The following PARD3B variants were observed in gnomAD, a reference collection of about 807,000 sequenced individuals.
PARD3B encodes partitioning defective 3 homolog B.
In PARD3B, 103 loss-of-function variants were observed where a neutral mutation model predicts 130.2. The observed-to-expected ratio is 0.79, with a 90% CI of 0.67 to 0.93. The LOEUF (loss-of-function observed/expected upper bound fraction) is 0.93. Ranked by LOEUF, PARD3B falls within the 40% of genes least tolerant of loss-of-function variation. The pLI is 0.00. For missense variants in PARD3B, 1,609 were observed against 1,499.2 expected (o/e 1.07, Z -1.21); for synonymous variants, 583 against 553.2 (o/e 1.05, Z -0.76).
chr2:205,026,336 A>C (rs1225483307), intron 3 of PARD3B, among the ~76,000 whole-genome samples: 1 of 152,176 alleles, frequency 6.6e-6, no homozygotes, highest in African/African-American at 2.4e-5. Context: ...GAGAAGAGCC[A>C]GATGAGACAG....
intron 4 of PARD3B, among the ~76,000 whole-genome samples, chr2:205,049,538 A>G (rs1353084228): frequency 2.6e-5 from 4 of 152,114 alleles, no homozygotes; most frequent in Non-Finnish European, 5.9e-5. Context: ...CCTTAACCAT[A>G]TCGGTCCTCC....
chr2:204,943,593 T>C lies in PARD3B; in HGVS notation c.223-21559T>C, dbSNP rs1689085334. 6.6e-6 allele frequency among the ~76,000 whole-genome samples: 1 copy of C among 152,232 alleles called. No homozygotes were observed. Among genetic ancestry groups the C allele is most frequent in the African/African-American group, 2.4e-5 (1 of 41,460 alleles). On this transcript the variant is annotated intron_variant, in intron 2 of 22. Coordinates refer to ENST00000406610, the MANE Select transcript of PARD3B (RefSeq NM_001302769.2). This position sits in a 1 kb window ranked among gnomAD's most constrained non-coding sequence, Gnocchi z 4.2. Reference sequence around the variant, plus strand: ...GTGCCATGAGAAACCAAACTGTGATTACTAGGGAAGATTTCTTAAGTTACC... The same window carrying C: ...GTGCCATGAGAAACCAAACTGTGATCACTAGGGAAGATTTCTTAAGTTACC...
rs1254563374 is a variant in PARD3B, at chr2:205,617,991, G to A, written c.*2178G>A. On this transcript the variant is annotated 3_prime_UTR_variant, in exon 23 of 23. Coordinates refer to ENST00000406610, the MANE Select transcript of PARD3B (RefSeq NM_001302769.2). ...GTGTCAGGTGAGAATCCTGTGTCTTGAAGGAGTGGCCTTTACAGGAAGAGT... is the reference window on the plus strand; with the variant it reads ...GTGTCAGGTGAGAATCCTGTGTCTTAAAGGAGTGGCCTTTACAGGAAGAGT... The A allele has an allele frequency of 6.6e-6, 1 of 152,282 alleles. No homozygotes were observed. Among genetic ancestry groups the A allele is most frequent in the African/African-American group, 2.4e-5 (1 of 41,458 alleles). 9.4% of individuals were successfully genotyped at this position (152,282 alleles called of 1,614,324 possible).
Position 205,397,592 on chromosome 2 carries a change from C to A in PARD3B, c.2631-3421C>A, listed in dbSNP as rs1285138913. On this transcript the variant is annotated intron_variant, in intron 18 of 22. Coordinates refer to ENST00000406610, the MANE Select transcript of PARD3B (RefSeq NM_001302769.2). This position sits in a 1 kb window ranked among gnomAD's most constrained non-coding sequence, Gnocchi z 4.8. Reference sequence around the variant, plus strand: ...AATGGTTAGTTTTACCCTTCAAAAACAAGACTGCTTTTACCTCAGAAATCC... The same window carrying A: ...AATGGTTAGTTTTACCCTTCAAAAAAAAGACTGCTTTTACCTCAGAAATCC... 6.6e-6 allele frequency among the ~76,000 whole-genome samples: 1 copy of A among 152,000 alleles called. No homozygotes were observed. Among genetic ancestry groups the A allele is most frequent in the East Asian group, 1.9e-4 (1 of 5,180 alleles).
At chr2:204,739,693 G>A (rs745375025) in intron 2 of PARD3B, among the ~76,000 whole-genome samples, 9 of 151,916 alleles carry the variant, frequency 5.9e-5, no homozygotes, top group Non-Finnish European at 8.8e-5. Context: ...CAAATCCCTG[G>A]CCTCAAGTGA....
chr2:205,249,006 GTTTT>G (rs10707308), intron 16 of PARD3B, among the ~76,000 whole-genome samples: 1 of 95,100 alleles, frequency 1.1e-5, no homozygotes, highest in African/African-American at 4.7e-5. Context: ...TAAAATAAGA[GTTTT>G]TTTTTTTTTT....
intron 3 of PARD3B, among the ~76,000 whole-genome samples, chr2:205,045,979 C>G (rs559294171): frequency 2.2e-4 from 33 of 152,168 alleles, no homozygotes; most frequent in African/African-American, 5.8e-4. Context: ...TCAAGATTAT[C>G]AACTTGTAAT....
chr2:205,419,040 A>G (rs2046874393), intron 19 of PARD3B, among the ~76,000 whole-genome samples: 1 of 152,200 alleles, frequency 6.6e-6, no homozygotes, highest in South Asian at 2.1e-4. Flanking sequence ...TCATTTGTAT[A>G]TAGTACTATG....
chr2:205,517,573 A>G (rs1310373142), intron 21 of PARD3B, among the ~76,000 whole-genome samples: 1 of 151,644 alleles, frequency 6.6e-6, no homozygotes, highest in Non-Finnish European at 1.5e-5. Flanking sequence ...TCATGTCTCA[A>G]TTTCCTTCAT....
At position 205,266,527 on chromosome 2, in the gene PARD3B, A is replaced by G. The variant is rs2105783133; in HGVS notation, c.2185+20705A>G. 2.0e-5 allele frequency among the ~76,000 whole-genome samples: 3 copies of G among 152,240 alleles called. No individual in the cohort carries two copies. In the South Asian group the frequency reaches 6.2e-4, roughly 32 times the overall value. ...ATATACAGATATATAGTTTTGAGAG[A>G]GTTAATACATGGAAAATACTTAGCT... On this transcript the variant is annotated intron_variant, in intron 16 of 22. Transcript: ENST00000406610.
intron 2 of PARD3B, among the ~76,000 whole-genome samples, chr2:204,826,876 C>T (rs776135753): frequency 3.3e-5 from 5 of 151,964 alleles, no homozygotes; most frequent in African/African-American, 4.8e-5. Flanking sequence ...AAATATTAGC[C>T]AGTCATGGTG....
At chr2:204,965,020 T>C (rs1262604427) in intron 2 of PARD3B, 132 bp from the exon 3 acceptor site, 1 of 698,162 alleles carries the variant, frequency 1.4e-6, no homozygotes, top group Non-Finnish European at 2.3e-6. Flanking sequence ...AGTTGTGGTA[T>C]AGTAACATTA....
chr2:205,121,778 A>T lies in PARD3B; in HGVS notation c.994A>T (p.Asn332Tyr). Residue 332 changes from asparagine to tyrosine, a missense_variant, in exon 8 of 23, where the codon AAT becomes TAT. By Grantham distance (143) the Asn-to-Tyr change is moderately radical (BLOSUM62 -2). Coordinates refer to ENST00000406610, the MANE Select transcript of PARD3B (RefSeq NM_001302769.2). This position sits in a 1 kb window ranked among gnomAD's most constrained non-coding sequence, Gnocchi z 5.0. The stretch of plus-strand genomic sequence containing the variant: ...TGGAAAATCGGGACTAAAGACAGCA[A>T]ATCTCACAGGAACCGATAGTCCTGA... ...VHGKSGLKTANLTGTDSPETD... is the reference protein window; with the variant it reads ...VHGKSGLKTAYLTGTDSPETD... 1 of 1,614,098 alleles carries T rather than the reference A, an allele frequency of 6.2e-7. No individual in the cohort carries two copies. Among genetic ancestry groups the T allele is most frequent in the Non-Finnish European group, 8.5e-7 (1 of 1,180,040 alleles).
Position 204,938,603 on chromosome 2 carries a change from C to T in PARD3B, c.223-26549C>T, listed in dbSNP as rs143078628. On this transcript the variant is annotated intron_variant, in intron 2 of 22. Coordinates refer to ENST00000406610, the MANE Select transcript of PARD3B (RefSeq NM_001302769.2). ...ACATTTATCTCATACTTTTCTTATT[C>T]ACTAGACTAGGGCTTCTCAACCATG... 6.8e-4 allele frequency among the ~76,000 whole-genome samples: 104 copies of T among 152,314 alleles called. 1 individual carries two copies. In the East Asian group the frequency reaches 0.018, roughly 27 times the overall value.
intron 2 of PARD3B, among the ~76,000 whole-genome samples, chr2:204,876,369 A>G (rs2045844399): frequency 6.6e-6 from 1 of 152,182 alleles, no homozygotes; most frequent in African/African-American, 2.4e-5. Context: ...TAGAAAGGAC[A>G]TTTTTGTAGA....
At chr2:205,233,698 T>A in intron 15 of PARD3B, among the ~76,000 whole-genome samples, 1 of 152,258 alleles carries the variant, frequency 6.6e-6, no homozygotes, top group Non-Finnish European at 1.5e-5. Context: ...CTACCAAACA[T>A]CATAGTTTAG....
intron 2 of PARD3B, among the ~76,000 whole-genome samples, chr2:204,851,797 A>T (rs1027984061): frequency 6.6e-6 from 1 of 150,522 alleles, no homozygotes; most frequent in Non-Finnish European, 1.5e-5. Context: ...GCTTCAAGTG[A>T]TTCTCCTGCC....
At chr2:204,970,558 C>T (rs1443928513) in intron 3 of PARD3B, among the ~76,000 whole-genome samples, 1 of 152,196 alleles carries the variant, frequency 6.6e-6, no homozygotes, top group African/African-American at 2.4e-5. Context: ...GAATCCAACT[C>T]CATGCCTCTG....
chr2:204,778,818 T>C (rs1226732833), intron 2 of PARD3B, among the ~76,000 whole-genome samples: 1 of 152,148 alleles, frequency 6.6e-6, no homozygotes, highest in Admixed American at 6.6e-5. Context: ...CCCCTTCCCA[T>C]GCATTCTCCT....
Sources: gnomAD v4.1 joint callset for allele counts (sites outside exome capture counted in the v4.1 genomes callset) on GRCh38, gnomAD v4.1.1 for gene constraint, Gnocchi (gnomAD v3.1) non-coding constraint, MANE v1.5 for transcripts, NCBI Gene and HGNC (gene_info 2026-07-23, HGNC 2026-07-21) for gene names.